Variants in UNC13C observed in about 807,000 individuals in gnomAD.
UNC13C encodes the protein protein unc-13 homolog C.
UNC13C carries 174 observed loss-of-function variants against 245.4 expected under a neutral mutation model. That is an observed-to-expected ratio of 0.71 (90% CI 0.63 to 0.80). The LOEUF is 0.80. Ranked by LOEUF, UNC13C falls within the 30% of genes least tolerant of loss-of-function variation. The probability of loss-of-function intolerance (pLI) is 0.00; values close to 1 mark genes in which losing one functional copy is unlikely to be tolerated. For missense variants in UNC13C, 2,829 were observed against 2,602.9 expected (o/e 1.09, Z -1.89); for synonymous variants, 992 against 895.1 (o/e 1.11, Z -1.93).
At chr15:54,022,659 A>G (rs1895950595) in intron 2 of UNC13C, among the ~76,000 whole-genome samples, 1 of 152,192 alleles carries the variant, frequency 6.6e-6, no homozygotes, top group South Asian at 2.1e-4. Context: ...CCCCTTATCA[A>G]ATATATGGTT....
chr15:54,125,199 C>G (rs1249022750), intron 2 of UNC13C, among the ~76,000 whole-genome samples: 1 of 152,152 alleles, frequency 6.6e-6, no homozygotes, highest in East Asian at 1.9e-4. Flanking sequence ...CACAGTGGCT[C>G]ACATCTGTAA....
At chr15:54,450,323 C>T (rs1199028984) in intron 19 of UNC13C, among the ~76,000 whole-genome samples, 1 of 152,240 alleles carries the variant, frequency 6.6e-6, no homozygotes, top group African/African-American at 2.4e-5. Context: ...TTTAAGTCTG[C>T]ACAGGTTTCT....
intron 9 of UNC13C, 115 bp downstream of exon 9, chr15:54,264,510 T>C: frequency 1.2e-6 from 1 of 836,210 alleles, no homozygotes; most frequent in Non-Finnish European, 1.9e-6. Flanking sequence ...TGAATCATGT[T>C]AATATGAACA....
chr15:54,047,720 C>T, intron 2 of UNC13C, among the ~76,000 whole-genome samples: 1 of 152,106 alleles, frequency 6.6e-6, no homozygotes, highest in East Asian at 1.9e-4. Flanking sequence ...TTATAAGTAT[C>T]TGCTTTTTAA....
In UNC13C at chr15:54,012,821, G is replaced by A; in HGVS notation, c.-83G>A. 1 of 1,102,750 alleles carries A rather than the reference G, an allele frequency of 9.1e-7. No homozygotes were observed. Among genetic ancestry groups the A allele is most frequent in the Non-Finnish European group, 1.3e-6 (1 of 760,674 alleles). The allele number at this position is 1,102,750 out of a possible 1,614,324, so 68.3% of individuals were successfully genotyped here. A position where few individuals can be genotyped will look rare whatever the true frequency, so the allele number is the denominator to read the frequency against. On this transcript the variant is annotated 5_prime_UTR_variant, in exon 2 of 33. It removes the in-frame stop codon of an upstream open reading frame in the 5' UTR. Transcript: ENST00000260323. ...GTGATTCACAGAACTTCTGAACAGTGATGCTTGCCTTGGATTTTCAGGTTT... is the reference window on the plus strand; with the variant it reads ...GTGATTCACAGAACTTCTGAACAGTAATGCTTGCCTTGGATTTTCAGGTTT...
chr15:54,354,971 T>C (rs1355677871), intron 17 of UNC13C, among the ~76,000 whole-genome samples: 2 of 152,140 alleles, frequency 1.3e-5, no homozygotes, highest in Non-Finnish European at 2.9e-5. Context: ...ATTATTGTGT[T>C]AGTGGGCGAT....
chr15:54,140,668 G>T (rs1567043938), intron 2 of UNC13C, among the ~76,000 whole-genome samples: 1 of 152,154 alleles, frequency 6.6e-6, no homozygotes, highest in Non-Finnish European at 1.5e-5. Context: ...CAATGCAAAG[G>T]CACATAGATT....
At chr15:54,501,818 G>A (rs1377622939) in intron 22 of UNC13C, among the ~76,000 whole-genome samples, 2 of 152,140 alleles carry the variant, frequency 1.3e-5, no homozygotes, top group African/African-American at 4.8e-5. Context: ...CTAAGCCAGA[G>A]GAATAGCGGG....
At chr15:54,063,992 A>G (rs982553529) in intron 2 of UNC13C, among the ~76,000 whole-genome samples, 1 of 152,322 alleles carries the variant, frequency 6.6e-6, no homozygotes. Flanking sequence ...GCCCACAACC[A>G]GGTGAAAACA....
chr15:54,486,534 A>ACT (rs1438569708), intron 19 of UNC13C, among the ~76,000 whole-genome samples: 24 of 152,268 alleles, frequency 1.6e-4, no homozygotes, highest in Middle Eastern at 3.4e-3. Flanking sequence ...TGTATAAAGG[A>ACT]ATGAAATCCA....
At chr15:53,939,501 T>C in the UNC13C span, among the ~76,000 whole-genome samples, 2 of 152,094 alleles carry the variant, frequency 1.3e-5, no homozygotes. Flanking sequence ...GCCAGTATCA[T>C]CCTGATACCA....
chr15:54,382,389 G>A (rs1340122634), intron 17 of UNC13C, among the ~76,000 whole-genome samples: 1 of 152,016 alleles, frequency 6.6e-6, no homozygotes, highest in African/African-American at 2.4e-5. Context: ...AGGAGTTTGA[G>A]ACAAGCCTGG....
the UNC13C span, chr15:53,913,142 A>T: frequency 6.6e-6 from 1 of 152,192 alleles, no homozygotes; most frequent in Non-Finnish European, 1.5e-5. Flanking sequence ...TAATAATGTT[A>T]TATTCACTTC....
At chr15:53,866,268 C>T in the UNC13C span, among the ~76,000 whole-genome samples, 1 of 152,170 alleles carries the variant, frequency 6.6e-6, no homozygotes, top group Non-Finnish European at 1.5e-5. Flanking sequence ...ATGTGCTATA[C>T]ATTTCACTTC....
chr15:54,014,519 G>A lies in UNC13C; in HGVS notation c.1616G>A (p.Ser539Asn), dbSNP rs201904954. 10,988 of 1,613,790 alleles carry A rather than the reference G, an allele frequency of 6.8e-3. 676 individuals are homozygous for A. In the South Asian group the frequency reaches 0.11, roughly 16 times the overall value. Residue 539 changes from serine (S) to asparagine (N), a missense_variant, in exon 2 of 33, where the codon AGT (serine) becomes AAT (asparagine). By Grantham distance (46) the Ser-to-Asn change is conservative. Coordinates refer to ENST00000260323, the MANE Select transcript of UNC13C (RefSeq NM_001080534.3). ...ADATPLWHSQ[S>N]DFFTAKLSRS... ...GCAACACCTCTCTGGCACTCACAGA[G>A]TGATTTTTTCACTGCTAAACTTAGT...
At chr15:53,884,096 ATTG>A in the UNC13C span, among the ~76,000 whole-genome samples, 3 of 113,122 alleles carry the variant, frequency 2.7e-5, no homozygotes, top group Non-Finnish European at 5.3e-5. Flanking sequence ...TGAGACCATC[ATTG>A]TTGTTACGAT....
chr15:54,007,090 T>C (rs1281086535), intron 1 of UNC13C, among the ~76,000 whole-genome samples: 1 of 152,242 alleles, frequency 6.6e-6, no homozygotes, highest in Non-Finnish European at 1.5e-5. Flanking sequence ...ATCACCCTTT[T>C]ATGTATTTTG....
chr15:54,177,993 A>G (rs910941288), intron 4 of UNC13C, among the ~76,000 whole-genome samples: 1 of 152,166 alleles, frequency 6.6e-6, no homozygotes, highest in Middle Eastern at 3.4e-3. Context: ...CAGAATTTTT[A>G]AAATGTGCAT....
At chr15:54,077,150 A>T (rs902345272) in intron 2 of UNC13C, among the ~76,000 whole-genome samples, 3 of 152,056 alleles carry the variant, frequency 2.0e-5, no homozygotes, top group Non-Finnish European at 4.4e-5. Context: ...ATGGGTCTCA[A>T]AAAACCTTGG....
Sources: allele counts gnomAD v4.1 joint callset (sites outside exome capture counted in the v4.1 genomes callset), GRCh38; gene constraint gnomAD v4.1.1; transcripts MANE v1.5; gene names NCBI Gene and HGNC (gene_info 2026-07-23, HGNC 2026-07-21).